RAPGEF1: variants seen among roughly 807,000 people sequenced by gnomAD.
RAPGEF1 encodes CRK SH3-binding GNRP.
Under a neutral mutation model 143.3 loss-of-function variants are expected in RAPGEF1, and 33 were observed. The ratio of observed to expected loss-of-function variants is 0.23; its 90% CI spans 0.17 to 0.31. RAPGEF1 has a LOEUF of 0.31. Among genes scored for constraint, RAPGEF1 ranks in the 10% least tolerant of loss-of-function variants. The pLI, the probability that RAPGEF1 is intolerant of heterozygous loss-of-function variation, is 1.00. For missense variants in RAPGEF1, 1,199 were observed against 1,645.4 expected (o/e 0.73, Z 4.69); for synonymous variants, 629 against 676.5 (o/e 0.93, Z 1.09).
intron 18 of RAPGEF1, among the ~76,000 whole-genome samples, chr9:131,591,156 C>A (rs1036375227): frequency 2.0e-5 from 3 of 152,218 alleles, no homozygotes; most frequent in African/African-American, 4.8e-5. Context: ...GGACCCGAGG[C>A]TCCGCCAATG....
At chr9:131,598,174 A>C in intron 16 of RAPGEF1, 25 bp downstream of exon 16, 1 of 1,596,708 alleles carries the variant, frequency 6.3e-7, no homozygotes, top group Non-Finnish European at 8.6e-7. Flanking sequence ...CCAGGCTGCA[A>C]AGCCCCAGCC....
chr9:131,589,112 A>C, intron 19 of RAPGEF1, 126 bp from the exon 20 acceptor site: 198 of 888,094 alleles, frequency 2.2e-4, no homozygotes, highest in Non-Finnish European at 3.0e-4. Flanking sequence ...GAAATTTCTC[A>C]TGGGAAGAGA....
At chr9:131,729,483 G>A (rs900144445) in intron 1 of RAPGEF1, among the ~76,000 whole-genome samples, 9 of 152,230 alleles carry the variant, frequency 5.9e-5, no homozygotes, top group African/African-American at 2.2e-4. Context: ...TTCAATAATG[G>A]AGAAACCAGG....
At chr9:131,665,781 A>C (rs1187439889) in intron 1 of RAPGEF1, among the ~76,000 whole-genome samples, 1 of 152,160 alleles carries the variant, frequency 6.6e-6, no homozygotes, top group Non-Finnish European at 1.5e-5. Context: ...CTGGGACTCA[A>C]TACTGGGAAG....
At chr9:131,662,112 T>C (rs551184196) in intron 1 of RAPGEF1, among the ~76,000 whole-genome samples, 7 of 152,322 alleles carry the variant, frequency 4.6e-5, no homozygotes, top group African/African-American at 1.7e-4. Flanking sequence ...ATCTGTGCCT[T>C]ACATCAGCGG....
chr9:131,709,619 C>G, intron 1 of RAPGEF1: 1 of 1,613,794 alleles, frequency 6.2e-7, no homozygotes, highest in Non-Finnish European at 8.5e-7. Flanking sequence ...GGCTTTCTTA[C>G]CTTGTTTCCA....
At chr9:131,627,078 G>T (rs1266944130) in intron 9 of RAPGEF1, among the ~76,000 whole-genome samples, 2 of 152,068 alleles carry the variant, frequency 1.3e-5, no homozygotes, top group Non-Finnish European at 2.9e-5. Context: ...GCCGGGCGTG[G>T]TGGCACACAC....
At position 131,727,362 on chromosome 9, in the gene RAPGEF1, G is replaced by A. The variant is rs556619739; in HGVS notation, c.61+12408C>T. 2.6e-5 allele frequency among the ~76,000 whole-genome samples: 4 copies of A among 152,298 alleles called. No individual in the cohort carries two copies. In the South Asian group the frequency reaches 8.3e-4, roughly 32 times the overall value. On this transcript the variant is annotated intron_variant, in intron 1 of 26. Transcript: ENST00000683357. ...AATGAATCTTTCTCCCTGGGGACAA[G>A]GTCCACAGAGTTTCCATCAGACTCC... is the stretch of plus-strand genomic sequence containing the variant.
chr9:131,579,010 C>T lies in RAPGEF1; in HGVS notation c.*487G>A, dbSNP rs1951479790. The T allele has an allele frequency of 6.4e-6, 1 of 157,350 alleles. No homozygotes were observed. The highest frequency in any genetic ancestry group is 6.1e-5 in the Admixed American group (1 of 16,272). The allele number at this position is 157,350 out of a possible 1,614,324, so 9.7% of individuals were successfully genotyped here. ...CCGAGTCTACTCTGCATTCTGCCCA[C>T]CCAGCTGCTTGCCCCCATTCCAGGG... On this transcript the variant is annotated 3_prime_UTR_variant, in exon 27 of 27. Transcript: ENST00000683357.
In RAPGEF1 at chr9:131,675,147, A is replaced by G. The variant is rs77871782; in HGVS notation, c.62-24198T>C. On this transcript the variant is annotated intron_variant, in intron 1 of 26. Coordinates refer to ENST00000683357, the MANE Select transcript of RAPGEF1 (RefSeq NM_001377935.1). This position sits in a 1 kb window ranked among gnomAD's most constrained non-coding sequence, Gnocchi z 4.6. ...AAACTGGCTTAAAAAGAAGCTGGTG[A>G]GATTTGCTGCACTTGGCTAGATTTG... Among the ~76,000 whole-genome samples, 68 of 151,856 alleles carry G rather than the reference A, an allele frequency of 4.5e-4. 1 individual carries two copies. The East Asian group carries it at 0.013, about 28-fold the overall frequency.
intron 13 of RAPGEF1, among the ~76,000 whole-genome samples, 153 bp downstream of exon 13, chr9:131,604,778 C>G (rs1956828889): frequency 6.6e-6 from 1 of 152,172 alleles, no homozygotes; most frequent in Admixed American, 6.5e-5. Context: ...CTCAGCCATG[C>G]TGCCAGCAGG....
chr9:131,639,858 C>G (rs543083173), intron 4 of RAPGEF1, among the ~76,000 whole-genome samples: 5 of 152,114 alleles, frequency 3.3e-5, no homozygotes, highest in Admixed American at 3.3e-4. Flanking sequence ...AAATGTGAAC[C>G]AAATAGTGCT....
At chr9:131,698,183 T>C (rs1286928208) in intron 1 of RAPGEF1, among the ~76,000 whole-genome samples, 1 of 152,168 alleles carries the variant, frequency 6.6e-6, no homozygotes, top group African/African-American at 2.4e-5. Flanking sequence ...ATCACCTCCC[T>C]CAGTCCACCC....
chr9:131,610,295 T>C (rs2132621503), intron 12 of RAPGEF1, among the ~76,000 whole-genome samples: 1 of 152,120 alleles, frequency 6.6e-6, no homozygotes, highest in Middle Eastern at 3.4e-3. Flanking sequence ...CAGAGGAGGC[T>C]GTCTGCTCAT....
At chr9:131,666,852 G>T (rs1280595258) in intron 1 of RAPGEF1, among the ~76,000 whole-genome samples, 1 of 152,146 alleles carries the variant, frequency 6.6e-6, no homozygotes, top group Non-Finnish European at 1.5e-5. Flanking sequence ...AGTGCTGCTG[G>T]ACTAGACGCA....
chr9:131,660,765 A>G (rs1379131864), intron 1 of RAPGEF1, among the ~76,000 whole-genome samples: 1 of 152,246 alleles, frequency 6.6e-6, no homozygotes, highest in Non-Finnish European at 1.5e-5. Flanking sequence ...TGGAGGCAGA[A>G]GGGGTGAGGA....
Position 131,667,436 on chromosome 9 carries a change from T to A in RAPGEF1, c.62-16487A>T, listed in dbSNP as rs1190631080. ...CTTCCTACACGGAGGTACTGCCCAT[T>A]TCCTCCTCCACAGTACCTGGTACAG... On this transcript the variant is annotated intron_variant, in intron 1 of 26. Coordinates refer to ENST00000683357, the MANE Select transcript of RAPGEF1 (RefSeq NM_001377935.1). The surrounding 1 kb of genome is among the most constrained non-coding windows in gnomAD (Gnocchi z 4.6). 6.6e-6 allele frequency among the ~76,000 whole-genome samples: 1 copy of A among 152,144 alleles called. No homozygotes were observed. The highest frequency in any genetic ancestry group is 1.5e-5 in the Non-Finnish European group (1 of 68,014).
chr9:131,587,703 G>C (rs762733726), intron 22 of RAPGEF1, 33 bp downstream of exon 22: 38 of 1,599,532 alleles, frequency 2.4e-5, no homozygotes, highest in Non-Finnish European at 3.1e-5. Context: ...CCACCATCCA[G>C]AGCAACAGGG....
rs571888831 is a variant in RAPGEF1 at position 131,696,007 on chromosome 9, A to G, written c.61+43763T>C. ...TCAGGAAGATGTCTCATGAAGCTGC[A>G]GTCACCTGAGGCCTGACTGGGGCTG... On this transcript the variant is annotated intron_variant, in intron 1 of 26. Transcript: ENST00000683357. Among the ~76,000 whole-genome samples, 13 of 152,334 alleles carry G rather than the reference A, an allele frequency of 8.5e-5. No individual in the cohort carries two copies. In the South Asian group the frequency reaches 2.7e-3, roughly 32 times the overall value.
Sources: gnomAD v4.1 joint callset for allele counts (sites outside exome capture counted in the v4.1 genomes callset) on GRCh38, gnomAD v4.1.1 for gene constraint, Gnocchi (gnomAD v3.1) non-coding constraint, MANE v1.5 for transcripts, NCBI Gene and HGNC (gene_info 2026-07-23, HGNC 2026-07-21) for gene names.